CFAP299: variants seen among roughly 807,000 people sequenced by gnomAD.
CFAP299 encodes the protein cilia- and flagella-associated protein 299.
Under a neutral mutation model 27.0 loss-of-function variants are expected in CFAP299, and 21 were observed. That is an observed-to-expected ratio of 0.78 (90% CI 0.55 to 1.12). The LOEUF is 1.12. Among genes scored for constraint, CFAP299 ranks in the 50% most tolerant of loss-of-function variants. The pLI, the probability that CFAP299 is intolerant of heterozygous loss-of-function variation, is 0.00. For missense variants in CFAP299, 310 were observed against 276.6 expected (o/e 1.12, Z -0.86); for synonymous variants, 104 against 98.1 (o/e 1.06, Z -0.36).
intron 2 of CFAP299, among the ~76,000 whole-genome samples, chr4:80,370,792 C>T (rs1042193029): frequency 6.6e-6 from 1 of 152,232 alleles, no homozygotes; most frequent in East Asian, 1.9e-4. Context: ...CATGTGCTGG[C>T]GTTGAGTGCC....
At chr4:80,806,526 A>G (rs1315997304) in intron 3 of CFAP299, among the ~76,000 whole-genome samples, 1 of 152,216 alleles carries the variant, frequency 6.6e-6, no homozygotes, top group African/African-American at 2.4e-5. Flanking sequence ...TATTCTAGAG[A>G]TAAATCACTA....
rs182541941 is a variant in CFAP299, at chr4:80,691,832, C to A, written c.333+108649C>A. 6.7e-3 allele frequency among the ~76,000 whole-genome samples: 1,024 copies of A among 152,276 alleles called. 13 individuals carry two copies. The highest frequency in any genetic ancestry group is 0.023 in the African/African-American group (974 of 41,546). On this transcript the variant is annotated intron_variant, in intron 3 of 5. Coordinates refer to ENST00000358105, the MANE Select transcript of CFAP299 (RefSeq NM_152770.3). ...CCCAAAATCTCTTTAAGCTGATAAG[C>A]AAATTCAGCAAAGTCTCAGGATACA...
chr4:80,881,048 A>C (rs1733676626), intron 4 of CFAP299, among the ~76,000 whole-genome samples: 1 of 152,212 alleles, frequency 6.6e-6, no homozygotes, highest in Non-Finnish European at 1.5e-5. Context: ...CCTCACAGCC[A>C]GCATTGCTAT....
At chr4:80,673,023 G>A (rs1469576906) in intron 3 of CFAP299, among the ~76,000 whole-genome samples, 1 of 150,878 alleles carries the variant, frequency 6.6e-6, no homozygotes, top group Non-Finnish European at 1.5e-5. Context: ...GTTCTGCTCT[G>A]ATCTTAGTTA....
chr4:80,644,950 T>C (rs1739921611), intron 3 of CFAP299, among the ~76,000 whole-genome samples: 1 of 152,158 alleles, frequency 6.6e-6, no homozygotes, highest in Admixed American at 6.6e-5. Context: ...GCATTAATCA[T>C]ACCCGCCTTC....
intron 3 of CFAP299, among the ~76,000 whole-genome samples, chr4:80,761,224 C>T (rs1368136810): frequency 6.6e-6 from 1 of 151,920 alleles, no homozygotes; most frequent in Admixed American, 6.6e-5. Flanking sequence ...TATTGTAAAT[C>T]TCTATTTAAA....
Position 80,674,819 on chromosome 4 carries a change from A to G in CFAP299, c.333+91636A>G, listed in dbSNP as rs190574043. ...ATTATTCAACTTGATCGAATCGGCT[A>G]TTGAAGCTTATGCATGCATCACGTA... On this transcript the variant is annotated intron_variant, in intron 3 of 5. Coordinates refer to ENST00000358105, the MANE Select transcript of CFAP299 (RefSeq NM_152770.3). 5.1e-3 allele frequency among the ~76,000 whole-genome samples: 771 copies of G among 152,226 alleles called. 5 individuals are homozygous for G. The highest frequency in any genetic ancestry group is 0.02 in the Middle Eastern group (6 of 294).
intron 3 of CFAP299, among the ~76,000 whole-genome samples, chr4:80,797,167 C>T (rs1727914551): frequency 6.6e-6 from 1 of 152,246 alleles, no homozygotes; most frequent in South Asian, 2.1e-4. Context: ...TGCACAGTTA[C>T]TCTGGCAAAA....
At chr4:80,422,451 G>A (rs1477609587) in intron 2 of CFAP299, among the ~76,000 whole-genome samples, 1 of 151,994 alleles carries the variant, frequency 6.6e-6, no homozygotes, top group Non-Finnish European at 1.5e-5. Flanking sequence ...TACGCCCATA[G>A]GCCGACCCTA....
intron 3 of CFAP299, among the ~76,000 whole-genome samples, chr4:80,815,802 G>A (rs1169842903): frequency 6.6e-6 from 1 of 151,908 alleles, no homozygotes; most frequent in Non-Finnish European, 1.5e-5. Context: ...ATGTACGTAT[G>A]TATAAAATTG....
chr4:80,591,291 T>C (rs1455046007), intron 3 of CFAP299, among the ~76,000 whole-genome samples: 1 of 151,024 alleles, frequency 6.6e-6, no homozygotes, highest in Non-Finnish European at 1.5e-5. Flanking sequence ...GCCCGGCTAA[T>C]TTTTTGTATT....
chr4:80,700,299 G>A (rs933730699), intron 3 of CFAP299, among the ~76,000 whole-genome samples: 2 of 152,082 alleles, frequency 1.3e-5, no homozygotes, highest in African/African-American at 2.4e-5. Flanking sequence ...TGAACATTGA[G>A]TTAATATTTA....
chr4:80,909,290 C>G (rs1735351230), intron 4 of CFAP299, among the ~76,000 whole-genome samples: 1 of 151,808 alleles, frequency 6.6e-6, no homozygotes, highest in Non-Finnish European at 1.5e-5. Context: ...GGAGTTTAGT[C>G]TTTTCCAGAA....
chr4:80,882,568 GCGGAGCTTGC>G (rs1206608081), intron 4 of CFAP299, among the ~76,000 whole-genome samples: 1 of 151,974 alleles, frequency 6.6e-6, no homozygotes, highest in Non-Finnish European at 1.5e-5. Context: ...AACCCGGGAG[GCGGAGCTTGC>G]AGTAAGCCGA....
chr4:80,354,536 T>C (rs1723166382), intron 1 of CFAP299, among the ~76,000 whole-genome samples: 1 of 152,214 alleles, frequency 6.6e-6, no homozygotes, highest in African/African-American at 2.4e-5. Flanking sequence ...TTCACTTTTA[T>C]TTCAAGTTCA....
At chr4:80,480,970 A>C (rs1005975133) in intron 2 of CFAP299, among the ~76,000 whole-genome samples, 1 of 152,050 alleles carries the variant, frequency 6.6e-6, no homozygotes, top group Non-Finnish European at 1.5e-5. Flanking sequence ...TTCCTGAAAA[A>C]CTATCAAAGC....
At chr4:80,479,139 C>T (rs143257424) in intron 2 of CFAP299, among the ~76,000 whole-genome samples, 19 of 151,918 alleles carry the variant, frequency 1.3e-4, no homozygotes, top group African/African-American at 3.1e-4. Flanking sequence ...TTTTACACTG[C>T]CAAGCACAGT....
intron 3 of CFAP299, among the ~76,000 whole-genome samples, chr4:80,695,187 AG>A (rs1162560941): frequency 2.0e-5 from 3 of 152,208 alleles, no homozygotes; most frequent in Non-Finnish European, 4.4e-5. Flanking sequence ...ATTTGGATAA[AG>A]ATTTGATACT....
At chr4:80,502,869 T>A (rs1032118114) in intron 2 of CFAP299, among the ~76,000 whole-genome samples, 2 of 152,122 alleles carry the variant, frequency 1.3e-5, no homozygotes, top group Non-Finnish European at 2.9e-5. Flanking sequence ...GGACTCTGGT[T>A]TACCCATGAA....
Sources: gnomAD v4.1 joint callset for allele counts (sites outside exome capture counted in the v4.1 genomes callset) on GRCh38, gnomAD v4.1.1 for gene constraint, MANE v1.5 for transcripts, NCBI Gene and HGNC (gene_info 2026-07-23, HGNC 2026-07-21) for gene names.